Variants in FLRT2 observed in about 807,000 individuals in gnomAD.
FLRT2 encodes fibronectin leucine rich transmembrane protein 2.
A neutral mutation model predicts 40.0 loss-of-function variants in FLRT2; 15 were observed. The ratio of observed to expected loss-of-function variants is 0.38; its 90% CI spans 0.25 to 0.58. The LOEUF (loss-of-function observed/expected upper bound fraction) is 0.58, where lower values mean the gene tolerates loss of function less well. Among genes scored for constraint, FLRT2 ranks in the 20% least tolerant of loss-of-function variants. FLRT2 has a pLI of 0.71. For missense variants in FLRT2, 726 were observed against 840.0 expected (o/e 0.86, Z 1.68); for synonymous variants, 380 against 336.8 (o/e 1.13, Z -1.41).
At chr14:85,597,150 T>C (rs1388456059) in intron 1 of FLRT2, among the ~76,000 whole-genome samples, 1 of 152,108 alleles carries the variant, frequency 6.6e-6, no homozygotes, top group South Asian at 2.1e-4. Context: ...TCAAACAAAA[T>C]TTAATATGAA....
chr14:85,548,656 A>G (rs1190572726), intron 1 of FLRT2, among the ~76,000 whole-genome samples: 6 of 152,232 alleles, frequency 3.9e-5, no homozygotes, highest in African/African-American at 1.4e-4. Flanking sequence ...CAACAATCAC[A>G]TGCTTTTTAT....
At chr14:85,597,020 T>TG (rs1337682054) in intron 1 of FLRT2, among the ~76,000 whole-genome samples, 3 of 152,064 alleles carry the variant, frequency 2.0e-5, no homozygotes, top group Admixed American at 6.6e-5. Flanking sequence ...TGCGTTGAGA[T>TG]GAAAAAAATA....
intron 1 of FLRT2, among the ~76,000 whole-genome samples, chr14:85,596,124 A>G (rs974198631): frequency 6.6e-6 from 1 of 152,180 alleles, no homozygotes; most frequent in Non-Finnish European, 1.5e-5. Context: ...TGCCCAAAAA[A>G]CAAACAATGA....
chr14:85,591,176 A>G (rs964006703), intron 1 of FLRT2, among the ~76,000 whole-genome samples: 6 of 152,246 alleles, frequency 3.9e-5, no homozygotes, highest in Non-Finnish European at 7.3e-5. Flanking sequence ...TTGGAAAAAG[A>G]AAGCATTGTT....
At chr14:85,598,199 T>G (rs534161316) in intron 1 of FLRT2, among the ~76,000 whole-genome samples, 1 of 152,358 alleles carries the variant, frequency 6.6e-6, no homozygotes, top group African/African-American at 2.4e-5. Context: ...TAGGCTCATT[T>G]AATCTTTATA....
chr14:85,587,393 A>C (rs1891671406), intron 1 of FLRT2, among the ~76,000 whole-genome samples: 1 of 152,052 alleles, frequency 6.6e-6, no homozygotes, highest in Admixed American at 6.5e-5. Flanking sequence ...TCCTACGCAA[A>C]AGCTACTTCA....
intron 1 of FLRT2, among the ~76,000 whole-genome samples, chr14:85,534,689 G>A (rs1391509356): frequency 6.6e-6 from 1 of 151,396 alleles, no homozygotes; most frequent in East Asian, 1.9e-4. Context: ...CTGATGCGCA[G>A]TGGTCCTAAG....
intron 1 of FLRT2, among the ~76,000 whole-genome samples, chr14:85,612,296 G>A (rs963883531): frequency 6.6e-6 from 1 of 152,106 alleles, no homozygotes; most frequent in African/African-American, 2.4e-5. Context: ...GGATCTGCCT[G>A]TATGTTTAAA....
Position 85,647,951 on chromosome 14 carries a change from C to T in FLRT2, c.*24454C>T, listed in dbSNP as rs545128722. ...CAGTTGCAGAGTAAGAAATTAATAA[C>T]TACTCCTGTTCTCTTCTTTGCCTTG... On this transcript the variant is annotated 3_prime_UTR_variant, in exon 2 of 2. Coordinates refer to ENST00000330753, the MANE Select transcript of FLRT2 (RefSeq NM_013231.6). 2.2e-4 allele frequency: 33 copies of T among 152,264 alleles called. No homozygotes were observed. The highest frequency in any genetic ancestry group is 7.2e-4 in the African/African-American group (30 of 41,562). 9.4% of individuals were successfully genotyped at this position (152,264 alleles called of 1,614,324 possible).
intron 1 of FLRT2, among the ~76,000 whole-genome samples, chr14:85,581,241 TC>T (rs1467252506): frequency 1.3e-5 from 2 of 152,150 alleles, no homozygotes; most frequent in Non-Finnish European, 2.9e-5. Flanking sequence ...CAAATTAGCT[TC>T]CCATTTGTTT....
At position 85,625,331 on chromosome 14, in the gene FLRT2, T is replaced by C. The variant is rs915992906; in HGVS notation, c.*1834T>C. The C allele has an allele frequency of 1.2e-5, 2 of 167,060 alleles. No individual in the cohort carries two copies. Among genetic ancestry groups the C allele is most frequent in the African/African-American group, 4.8e-5 (2 of 41,460 alleles). 10.3% of individuals were successfully genotyped at this position (167,060 alleles called of 1,614,324 possible). On this transcript the variant is annotated 3_prime_UTR_variant, in exon 2 of 2. Coordinates refer to ENST00000330753, the MANE Select transcript of FLRT2 (RefSeq NM_013231.6). ...TCTCTCTCTCTCAGCAAAATAAAAC[T>C]GTGATGTGTCTTCTTTGTAAAAGTT...
chr14:85,632,780 T>C lies in FLRT2; in HGVS notation c.*9283T>C, dbSNP rs1031859653. The C allele has an allele frequency of 1.3e-5, 2 of 151,704 alleles. No individual in the cohort carries two copies. The highest frequency in any genetic ancestry group is 2.9e-5 in the Non-Finnish European group (2 of 67,938). 9.4% of individuals were successfully genotyped at this position (151,704 alleles called of 1,614,324 possible). The stretch of plus-strand genomic sequence containing the variant: ...TGCTTGTAAAGAAGGGAGTGGAGAG[T>C]GGTAGTTATTAAGAAATCAGTTTGA... On this transcript the variant is annotated 3_prime_UTR_variant, in exon 2 of 2. Coordinates refer to ENST00000330753, the MANE Select transcript of FLRT2 (RefSeq NM_013231.6).
Position 85,637,683 on chromosome 14 carries a change from G to A in FLRT2, c.*14186G>A, listed in dbSNP as rs1244641432. 1 of 152,178 alleles carries A rather than the reference G, an allele frequency of 6.6e-6. No individual in the cohort carries two copies. Among genetic ancestry groups the A allele is most frequent in the Admixed American group, 6.5e-5 (1 of 15,274 alleles). The allele number at this position is 152,178 out of a possible 1,614,324, so 9.4% of individuals were successfully genotyped here. A position where few individuals can be genotyped will look rare whatever the true frequency, so the allele number is the denominator to read the frequency against. ...GTGATCAGGAGTGATGTAGCTTTGA[G>A]GGTGGACCCACCATTCCTGCCATAT... On this transcript the variant is annotated 3_prime_UTR_variant, in exon 2 of 2. Coordinates refer to ENST00000330753, the MANE Select transcript of FLRT2 (RefSeq NM_013231.6).
chr14:85,622,777 T>C lies in FLRT2; in HGVS notation c.1263T>C (p.Ile421=). 2 of 1,614,102 alleles carry C rather than the reference T, an allele frequency of 1.2e-6. No homozygotes were observed. The highest frequency in any genetic ancestry group is 1.7e-6 in the Non-Finnish European group (2 of 1,180,006). ...WDGRERVTPP[I]SERIQLSIHF... ...GCAGAGAAAGAGTGACCCCACCTAT[T>C]TCTGAACGGATCCAGCTCTCTATCC... The change falls in exon 2 of 2, where the codon ATT becomes ATC. Residue 421 remains isoleucine, a synonymous_variant. Coordinates refer to ENST00000330753, the MANE Select transcript of FLRT2 (RefSeq NM_013231.6).
intron 1 of FLRT2, among the ~76,000 whole-genome samples, chr14:85,534,921 A>G (rs1888554479): frequency 7.3e-6 from 1 of 136,128 alleles, no homozygotes; most frequent in Non-Finnish European, 1.5e-5. Flanking sequence ...ATCATTATTT[A>G]TTCGCCTGGA....
Position 85,621,913 on chromosome 14 carries a change from G to A in FLRT2, c.399G>A (p.Leu133=). The change falls in exon 2 of 2, where the codon TTG becomes TTA. Residue 133 remains leucine (L), a synonymous_variant. Transcript: ENST00000330753. The part of the protein sequence containing the change: ...TISRAALAQL[L]KLEELHLDDN... ...CACGGGCTGCTCTTGCCCAGCTCTT[G>A]AAGCTTGAAGAGCTGCACCTGGATG... The A allele has an allele frequency of 1.2e-6, 2 of 1,602,494 alleles. No homozygotes were observed. The highest frequency in any genetic ancestry group is 8.5e-7 in the Non-Finnish European group (1 of 1,173,544).
At chr14:85,567,781 C>T in intron 1 of FLRT2, among the ~76,000 whole-genome samples, 1 of 151,660 alleles carries the variant, frequency 6.6e-6, no homozygotes, top group Non-Finnish European at 1.5e-5. Flanking sequence ...GCTGGGATTA[C>T]AGGGGCGCGC....
At chr14:85,579,925 A>ATTTTTT (rs4015970) in intron 1 of FLRT2, among the ~76,000 whole-genome samples, 3 of 117,576 alleles carry the variant, frequency 2.6e-5, no homozygotes, top group Non-Finnish European at 5.0e-5. Flanking sequence ...GGGTATTAGA[A>ATTTTTT]TTTTTTTTTT....
rs1415145320 is a variant in FLRT2 at position 85,645,970 on chromosome 14, C to A, written c.*22473C>A. 2.7e-5 allele frequency: 4 copies of A among 150,558 alleles called. No individual in the cohort carries two copies. The highest frequency in any genetic ancestry group is 5.9e-5 in the Non-Finnish European group (4 of 67,890). The allele number at this position is 150,558 out of a possible 1,614,324, so 9.3% of individuals were successfully genotyped here. ...TGGATTTCTTCTCTTATGGAAAGGA[C>A]AACTATCCATATTGAAATAGACAAT... is the stretch of plus-strand genomic sequence containing the variant. On this transcript the variant is annotated 3_prime_UTR_variant, in exon 2 of 2. Coordinates refer to ENST00000330753, the MANE Select transcript of FLRT2 (RefSeq NM_013231.6).
Sources: allele counts gnomAD v4.1 joint callset (sites outside exome capture counted in the v4.1 genomes callset), GRCh38; gene constraint gnomAD v4.1.1; transcripts MANE v1.5; gene names NCBI Gene and HGNC (gene_info 2026-07-23, HGNC 2026-07-21).